Variants in FARS2 observed in about 807,000 individuals in gnomAD.
FARS2 encodes the protein phenylalanyl-tRNA synthetase 2, mitochondrial.
FARS2 carries 40 observed loss-of-function variants against 46.4 expected under a neutral mutation model. The observed-to-expected ratio is 0.86, with a 90% CI of 0.67 to 1.12. FARS2 has a LOEUF of 1.12. Ranked by LOEUF, FARS2 falls within the 50% of genes most tolerant of loss-of-function variation. The pLI is 0.00. For missense variants in FARS2, 513 were observed against 567.9 expected (o/e 0.90, Z 0.98); for synonymous variants, 234 against 214.9 (o/e 1.09, Z -0.78).
intron 1 of FARS2, among the ~76,000 whole-genome samples, 184 bp downstream of exon 1, chr6:5,261,844 A>G (rs1765161337): frequency 1.3e-5 from 2 of 152,196 alleles, no homozygotes; most frequent in Admixed American, 1.3e-4. Flanking sequence ...TTTGGAGAAT[A>G]ATTAGAGACC....
At chr6:5,741,895 G>A (rs1375937729) in intron 6 of FARS2, among the ~76,000 whole-genome samples, 3 of 152,056 alleles carry the variant, frequency 2.0e-5, no homozygotes, top group South Asian at 2.1e-4. Flanking sequence ...CAAGTGATCC[G>A]CCCGCCTCAG....
chr6:5,334,340 C>T lies in FARS2; in HGVS notation c.-21-34210C>T, dbSNP rs1017467523. Among the ~76,000 whole-genome samples, 7 of 152,122 alleles carry T rather than the reference C, an allele frequency of 4.6e-5. No homozygotes were observed. The East Asian group carries it at 5.8e-4, about 13-fold the overall frequency. On this transcript the variant is annotated intron_variant, in intron 1 of 6. Coordinates refer to ENST00000274680, the MANE Select transcript of FARS2 (RefSeq NM_006567.5). ...TGGCCCTATCTGTTAAAATGTAAAACGCACAAACCATTTGACTAGCAATTC... is the reference window on the plus strand; with the variant it reads ...TGGCCCTATCTGTTAAAATGTAAAATGCACAAACCATTTGACTAGCAATTC...
intron 6 of FARS2, among the ~76,000 whole-genome samples, chr6:5,717,867 T>C (rs1376645934): frequency 1.3e-5 from 2 of 149,704 alleles, no homozygotes; most frequent in East Asian, 3.9e-4. Flanking sequence ...CATGCCCTAG[T>C]TCCCTCATAT....
intron 4 of FARS2, 57 bp downstream of exon 4, chr6:5,431,229 A>C: frequency 1.9e-6 from 3 of 1,581,334 alleles, no homozygotes; most frequent in Non-Finnish European, 2.6e-6. Flanking sequence ...CTCCCTTCTC[A>C]GGCAGCCCCG....
chr6:5,436,414 G>A (rs1464103595), intron 4 of FARS2, among the ~76,000 whole-genome samples: 2 of 152,178 alleles, frequency 1.3e-5, no homozygotes, highest in Admixed American at 6.5e-5. Flanking sequence ...GACCAAGGCT[G>A]TACTGGTAAT....
At chr6:5,555,169 T>C (rs1771585844) in intron 5 of FARS2, among the ~76,000 whole-genome samples, 1 of 152,066 alleles carries the variant, frequency 6.6e-6, no homozygotes, top group Admixed American at 6.6e-5. Flanking sequence ...TGCTTTTACG[T>C]CTTCCTCATT....
chr6:5,399,696 A>G (rs1761137635), intron 2 of FARS2, among the ~76,000 whole-genome samples: 2 of 151,758 alleles, frequency 1.3e-5, no homozygotes, highest in South Asian at 4.2e-4. Context: ...TGTGTATTTT[A>G]TTATTTCTTA....
intron 4 of FARS2, chr6:5,451,793 G>T (rs1562050475): frequency 6.6e-6 from 1 of 152,196 alleles, no homozygotes; most frequent in African/African-American, 2.4e-5. Context: ...CAATCAGCTG[G>T]TATTAGTGTC....
At position 5,343,432 on chromosome 6, in the gene FARS2, G is replaced by A. The variant is rs1757014857; in HGVS notation, c.-21-25118G>A. On this transcript the variant is annotated intron_variant, in intron 1 of 6. Coordinates refer to ENST00000274680, the MANE Select transcript of FARS2 (RefSeq NM_006567.5). This position sits in a 1 kb window ranked among gnomAD's most constrained non-coding sequence, Gnocchi z 4.5. Reference sequence around the variant, plus strand: ...TCATCATATTGGTCAGGCTGGTCTGGAACTCCTGACCTCAGGTGATCCACC... The same window carrying A: ...TCATCATATTGGTCAGGCTGGTCTGAAACTCCTGACCTCAGGTGATCCACC... Among the ~76,000 whole-genome samples, 1 of 151,988 alleles carries A rather than the reference G, an allele frequency of 6.6e-6. No homozygotes were observed. Among genetic ancestry groups the A allele is most frequent in the Non-Finnish European group, 1.5e-5 (1 of 67,986 alleles).
At chr6:5,528,099 C>G (rs1769584745) in intron 4 of FARS2, among the ~76,000 whole-genome samples, 1 of 152,108 alleles carries the variant, frequency 6.6e-6, no homozygotes, top group Non-Finnish European at 1.5e-5. Context: ...ATACCCTATC[C>G]CAATTTGGTC....
At chr6:5,583,499 A>G (rs1334872149) in intron 5 of FARS2, among the ~76,000 whole-genome samples, 1 of 152,234 alleles carries the variant, frequency 6.6e-6, no homozygotes, top group Non-Finnish European at 1.5e-5. Flanking sequence ...CATGGCTGCC[A>G]TTTACATTAC....
chr6:5,686,632 T>C (rs1757248635), intron 6 of FARS2, among the ~76,000 whole-genome samples: 1 of 152,262 alleles, frequency 6.6e-6, no homozygotes, highest in African/African-American at 2.4e-5. Flanking sequence ...TTCCAAGTCT[T>C]TGCTATTGTG....
intron 2 of FARS2, among the ~76,000 whole-genome samples, chr6:5,403,257 C>T (rs1761365976): frequency 6.6e-6 from 1 of 152,172 alleles, no homozygotes; most frequent in African/African-American, 2.4e-5. Flanking sequence ...TAGCCTGAAG[C>T]TCTCTCTATT....
chr6:5,578,817 A>AC (rs1773149913), intron 5 of FARS2, among the ~76,000 whole-genome samples: 1 of 55,020 alleles, frequency 1.8e-5, no homozygotes, highest in East Asian at 8.4e-4. Flanking sequence ...TCAAAAAAAA[A>AC]AAAAAAAAAA....
In FARS2 at chr6:5,764,987, G is replaced by C. The variant is rs1053166632; in HGVS notation, c.1218-6304G>C. On this transcript the variant is annotated intron_variant, in intron 6 of 6. Transcript: ENST00000274680. This position sits in a 1 kb window ranked among gnomAD's most constrained non-coding sequence, Gnocchi z 4.1. ...GTTAGTTGTATCACTTAAGTTGATC[G>C]GGAAAAGAAAATAATCACTGGGGAG... Among the ~76,000 whole-genome samples the C allele has an allele frequency of 6.6e-6, 1 of 152,176 alleles. No individual in the cohort carries two copies. The highest frequency in any genetic ancestry group is 1.5e-5 in the Non-Finnish European group (1 of 68,034).
chr6:5,297,123 G>A (rs1767949003), intron 1 of FARS2, among the ~76,000 whole-genome samples: 1 of 152,194 alleles, frequency 6.6e-6, no homozygotes, highest in Non-Finnish European at 1.5e-5. Context: ...AGGAAGGGTA[G>A]CACAGAGAGG....
intron 1 of FARS2, among the ~76,000 whole-genome samples, chr6:5,291,727 C>T (rs1767519438): frequency 6.7e-6 from 1 of 150,092 alleles, no homozygotes; most frequent in Admixed American, 6.6e-5. Context: ...CACTGCAAGC[C>T]AGTATGGACA....
intron 4 of FARS2, among the ~76,000 whole-genome samples, chr6:5,539,893 C>T (rs1770512633): frequency 6.6e-6 from 1 of 152,168 alleles, no homozygotes. Context: ...TGATTTCCAG[C>T]TGGCGGTGCT....
intron 4 of FARS2, among the ~76,000 whole-genome samples, chr6:5,432,458 T>G (rs1253434604): frequency 5.9e-4 from 76 of 129,178 alleles, no homozygotes; most frequent in African/African-American, 2.1e-3. Context: ...ATATATATTA[T>G]ATATTATATA....
Sources: allele counts gnomAD v4.1 joint callset (sites outside exome capture counted in the v4.1 genomes callset), GRCh38; gene constraint gnomAD v4.1.1; non-coding constraint Gnocchi (gnomAD v3.1); transcripts MANE v1.5; gene names NCBI Gene and HGNC (gene_info 2026-07-23, HGNC 2026-07-21).